The following TOX variants were observed in gnomAD, a reference collection of about 807,000 sequenced individuals.
The protein encoded by TOX is thymocyte selection associated high mobility group box.
TOX carries 11 observed loss-of-function variants against 53.7 expected under a neutral mutation model. The ratio of observed to expected loss-of-function variants is 0.20; its 90% CI spans 0.13 to 0.34. The LOEUF (loss-of-function observed/expected upper bound fraction) is 0.34, where lower values mean the gene tolerates loss of function less well. Among genes scored for constraint, TOX ranks in the 10% least tolerant of loss-of-function variants. The pLI, the probability that TOX is intolerant of heterozygous loss-of-function variation, is 1.00. For missense variants in TOX, 570 were observed against 664.6 expected, an observed-to-expected ratio of 0.86 and a Z score of 1.56; for synonymous variants, 225 against 245.3, an observed-to-expected ratio of 0.92 and a Z score of 0.77.
intron 5 of TOX, 21 bp from the exon 6 acceptor site, chr8:58,826,923 C>G: frequency 6.2e-7 from 1 of 1,603,034 alleles, no homozygotes; most frequent in Non-Finnish European, 8.5e-7. Context: ...AGCAAAGAGT[C>G]TTAAATTAGA....
chr8:58,820,027 G>A (rs1320146543), intron 6 of TOX, among the ~76,000 whole-genome samples: 1 of 152,078 alleles, frequency 6.6e-6, no homozygotes, highest in Non-Finnish European at 1.5e-5. Flanking sequence ...CACGATCTGG[G>A]TTTACAGAGC....
chr8:59,083,440 T>C (rs966159854), intron 1 of TOX, among the ~76,000 whole-genome samples: 6 of 152,170 alleles, frequency 3.9e-5, no homozygotes, highest in African/African-American at 9.6e-5. Context: ...ATTAGGTTTA[T>C]TGGAAAAATA....
At position 59,110,221 on chromosome 8, in the gene TOX, TG is replaced by T. The variant is rs550134658; in HGVS notation, c.102+8664del. 4.6e-5 allele frequency among the ~76,000 whole-genome samples: 7 copies of T among 152,280 alleles called. No individual in the cohort carries two copies. The East Asian group carries it at 1.4e-3, about 29-fold the overall frequency. On this transcript the variant is annotated intron_variant, in intron 1 of 8. Transcript: ENST00000361421. ...GCTTTGATATTAAGCTTCTACTATCTGCAGGTTTCTATGATTAATGTTCATG... is the reference window on the plus strand; with the variant it reads ...GCTTTGATATTAAGCTTCTACTATCTCAGGTTTCTATGATTAATGTTCATG...
chr8:59,040,328 C>CAAAA (rs770561876), intron 1 of TOX, among the ~76,000 whole-genome samples: 137 of 80,606 alleles, frequency 1.7e-3, no homozygotes, highest in Non-Finnish European at 2.1e-3. Context: ...GACTCCGTCT[C>CAAAA]AAAAAAAAAA....
At position 59,118,800 on chromosome 8, in the gene TOX, C is replaced by G. The variant is rs1334479985; in HGVS notation, c.102+86G>C. On this transcript the variant is annotated intron_variant, in intron 1 of 8. Coordinates refer to ENST00000361421, the MANE Select transcript of TOX (RefSeq NM_014729.3). This position sits in a 1 kb window ranked among gnomAD's most constrained non-coding sequence, Gnocchi z 4.1. ...GCGCCCGGGACCGGCCTCCGCCAAGCCGGCCCCGCCGCGGCCCGGCCACCG... is the reference window on the plus strand; with the variant it reads ...GCGCCCGGGACCGGCCTCCGCCAAGGCGGCCCCGCCGCGGCCCGGCCACCG... The G allele has an allele frequency of 1.9e-6, 2 of 1,077,348 alleles. No homozygotes were observed. The highest frequency in any genetic ancestry group is 6.0e-5 in the Admixed American group (2 of 33,360). 66.7% of individuals were successfully genotyped at this position (1,077,348 alleles called of 1,614,324 possible). A position where few individuals can be genotyped will look rare whatever the true frequency, so the allele number is the denominator to read the frequency against.
At chr8:59,012,307 A>T (rs1473621971) in intron 1 of TOX, among the ~76,000 whole-genome samples, 1 of 152,112 alleles carries the variant, frequency 6.6e-6, no homozygotes, top group Non-Finnish European at 1.5e-5. Context: ...AACTCAATAA[A>T]TGGACATTTC....
chr8:59,086,472 T>G (rs16924580), intron 1 of TOX, among the ~76,000 whole-genome samples: 33,580 of 151,988 alleles, frequency 0.22, 5,653 homozygotes, highest in African/African-American at 0.46. Flanking sequence ...CTAAATAGAC[T>G]CCCATCATCA....
Position 58,851,474 on chromosome 8 carries a change from AG to A in TOX, c.693+49del. 1 of 1,593,436 alleles carries A rather than the reference AG, an allele frequency of 6.3e-7. No individual in the cohort carries two copies. Among genetic ancestry groups the A allele is most frequent in the Non-Finnish European group, 8.6e-7 (1 of 1,166,972 alleles). ...ACTTGTACCCAGCACAGGTCAAAGAAGGTGCCTAAGAATAGTCTCCCATAGG... is the reference window on the plus strand; with the variant it reads ...ACTTGTACCCAGCACAGGTCAAAGAAGTGCCTAAGAATAGTCTCCCATAGG... On this transcript the variant is annotated intron_variant, in intron 4 of 8. Transcript: ENST00000361421. This position sits in a 1 kb window ranked among gnomAD's most constrained non-coding sequence, Gnocchi z 4.4.
intron 3 of TOX, among the ~76,000 whole-genome samples, chr8:58,928,909 A>G (rs1047280079): frequency 6.6e-6 from 1 of 152,196 alleles, no homozygotes; most frequent in Non-Finnish European, 1.5e-5. Flanking sequence ...AATGTAAAGC[A>G]TTTAATAGCA....
At position 59,105,640 on chromosome 8, in the gene TOX, C is replaced by T. The variant is rs367602172; in HGVS notation, c.102+13246G>A. Among the ~76,000 whole-genome samples the T allele has an allele frequency of 3.8e-4, 58 of 152,156 alleles. No homozygotes were observed. In the East Asian group the frequency reaches 9.9e-3, roughly 26 times the overall value. ...TAGAGCCTAGAACAAAGTTATAAGT[C>T]CCTATGGGATATCCTAAGTCCATAA... On this transcript the variant is annotated intron_variant, in intron 1 of 8. Coordinates refer to ENST00000361421, the MANE Select transcript of TOX (RefSeq NM_014729.3).
chr8:58,871,129 G>A (rs1220757326), intron 3 of TOX, among the ~76,000 whole-genome samples: 1 of 147,520 alleles, frequency 6.8e-6, no homozygotes, highest in Non-Finnish European at 1.5e-5. Flanking sequence ...GAAAAGACAT[G>A]GTTGAACTTT....
intron 3 of TOX, among the ~76,000 whole-genome samples, chr8:58,899,475 A>G (rs1811699604): frequency 6.6e-6 from 1 of 152,230 alleles, no homozygotes. Flanking sequence ...GAGTGCTCAC[A>G]TGAGAACTTC....
intron 1 of TOX, among the ~76,000 whole-genome samples, chr8:59,047,900 TA>T (rs1407655361): frequency 6.6e-6 from 1 of 152,192 alleles, no homozygotes; most frequent in African/African-American, 2.4e-5. Context: ...TATTGCAATA[TA>T]AGTTCTTGCA....
At chr8:58,827,226 C>T (rs1810380393) in intron 5 of TOX, among the ~76,000 whole-genome samples, 1 of 152,118 alleles carries the variant, frequency 6.6e-6, no homozygotes. Context: ...AGGGAAACCA[C>T]ATGTGAGTAA....
chr8:58,812,975 C>CT (rs1156406977), intron 7 of TOX, among the ~76,000 whole-genome samples: 1 of 152,182 alleles, frequency 6.6e-6, no homozygotes, highest in Non-Finnish European at 1.5e-5. Flanking sequence ...TAAAAGAGTT[C>CT]TTAGTCAATG....
At chr8:59,092,139 C>T (rs1236965867) in intron 1 of TOX, among the ~76,000 whole-genome samples, 4 of 149,806 alleles carry the variant, frequency 2.7e-5, no homozygotes, top group African/African-American at 9.9e-5. Context: ...GTAATCCCAG[C>T]TACTCGGGAG....
intron 7 of TOX, among the ~76,000 whole-genome samples, chr8:58,808,837 T>C (rs920344788): frequency 6.6e-6 from 1 of 152,192 alleles, no homozygotes; most frequent in East Asian, 1.9e-4. Flanking sequence ...TTTTAACAGT[T>C]GTTGGACTAA....
chr8:59,075,423 G>A (rs1268450365), intron 1 of TOX, among the ~76,000 whole-genome samples: 2 of 152,134 alleles, frequency 1.3e-5, no homozygotes, highest in Admixed American at 6.5e-5. Context: ...TGAAGACAGA[G>A]GGACGCCAAG....
intron 3 of TOX, among the ~76,000 whole-genome samples, chr8:58,885,804 G>T (rs1811457039): frequency 6.6e-6 from 1 of 152,078 alleles, no homozygotes; most frequent in Non-Finnish European, 1.5e-5. Context: ...GTGCTGCAGT[G>T]AAGACTTATA....
Sources: allele counts gnomAD v4.1 joint callset (sites outside exome capture counted in the v4.1 genomes callset), GRCh38; gene constraint gnomAD v4.1.1; non-coding constraint Gnocchi (gnomAD v3.1); transcripts MANE v1.5; gene names NCBI Gene and HGNC (gene_info 2026-07-23, HGNC 2026-07-21).